CTNNA3: variants seen among roughly 807,000 people sequenced by gnomAD.
CTNNA3 encodes catenin alpha 3, also known as catenin alpha-3.
Under a neutral mutation model 95.7 loss-of-function variants are expected in CTNNA3, and 76 were observed. That is an observed-to-expected ratio of 0.79 (90% CI 0.66 to 0.96). CTNNA3 has a LOEUF of 0.96. Ranked by LOEUF, CTNNA3 falls within the 40% of genes least tolerant of loss-of-function variation. The pLI is 0.00. For missense variants in CTNNA3, 1,191 were observed against 1,089.8 expected, an observed-to-expected ratio of 1.09 and a Z score of -1.31; for synonymous variants, 431 against 374.4, an observed-to-expected ratio of 1.15 and a Z score of -1.74.
chr10:66,958,161 T>C (rs558883996), intron 7 of CTNNA3, among the ~76,000 whole-genome samples: 5 of 152,242 alleles, frequency 3.3e-5, no homozygotes, highest in Admixed American at 1.3e-4. Flanking sequence ...ATCTCTAGTA[T>C]CATTTGTGAA....
At chr10:66,745,723 G>C (rs1331765144) in intron 9 of CTNNA3, among the ~76,000 whole-genome samples, 1 of 150,056 alleles carries the variant, frequency 6.7e-6, no homozygotes, top group Non-Finnish European at 1.5e-5. Context: ...CTGAGTAGCT[G>C]GGACTACAGG....
intron 7 of CTNNA3, among the ~76,000 whole-genome samples, chr10:66,797,689 T>C (rs996426846): frequency 5.9e-5 from 9 of 152,066 alleles, no homozygotes; most frequent in Non-Finnish European, 1.2e-4. Flanking sequence ...AAAACCGAGG[T>C]TGGAGCTTGC....
At chr10:66,314,854 T>TA (rs1004330475) in intron 12 of CTNNA3, among the ~76,000 whole-genome samples, 4 of 152,058 alleles carry the variant, frequency 2.6e-5, no homozygotes, top group African/African-American at 9.7e-5. Flanking sequence ...AATCCAGTTT[T>TA]AAAAAAATCA....
chr10:67,129,539 A>G (rs1296819050), intron 7 of CTNNA3, among the ~76,000 whole-genome samples: 1 of 152,180 alleles, frequency 6.6e-6, no homozygotes, highest in East Asian at 1.9e-4. Context: ...CCACGTCTAC[A>G]TAAGAAGCTT....
chr10:66,115,555 T>C (rs139753038), intron 13 of CTNNA3, among the ~76,000 whole-genome samples: 108 of 146,560 alleles, frequency 7.4e-4, no homozygotes, highest in South Asian at 3.1e-3. Flanking sequence ...GATAGATAGA[T>C]AGATAGATAG....
intron 7 of CTNNA3, among the ~76,000 whole-genome samples, chr10:66,884,479 C>G (rs941088048): frequency 6.6e-6 from 1 of 152,046 alleles, no homozygotes; most frequent in Admixed American, 6.6e-5. Context: ...TTTCACAAAC[C>G]CCATGGGGAG....
rs1263441648 is a variant in CTNNA3, at chr10:67,219,831, C to A, written c.619G>T (p.Ala207Ser). The A allele has an allele frequency of 2.5e-6, 4 of 1,612,782 alleles. No individual in the cohort carries two copies. Among genetic ancestry groups the A allele is most frequent in the Non-Finnish European group, 3.4e-6 (4 of 1,179,208 alleles). ...GAGTTCTCCTTCAGTGAAGCTCGGG[C>A]TCCTGCAATTTCATCTCTCTGATTT... ...SPNQRDEIAGARASLKENSPL... is the reference protein window; with the variant it reads ...SPNQRDEIAGSRASLKENSPL... Residue 207 changes from alanine (A) to serine (S), a missense_variant, in exon 6 of 18, where the codon GCC (alanine) becomes TCC (serine). Ala to Ser is a moderately conservative substitution (Grantham distance 99). Coordinates refer to ENST00000433211, the MANE Select transcript of CTNNA3 (RefSeq NM_013266.4).
intron 15 of CTNNA3, among the ~76,000 whole-genome samples, chr10:66,038,576 T>C (rs1364595096): frequency 6.6e-6 from 1 of 152,134 alleles, no homozygotes; most frequent in African/African-American, 2.4e-5. Flanking sequence ...TTATGGAAAA[T>C]AGGACCTGCT....
chr10:67,728,126 A>G (rs895658887), intron 1 of CTNNA3, among the ~76,000 whole-genome samples: 1 of 144,376 alleles, frequency 6.9e-6, no homozygotes, highest in Non-Finnish European at 1.5e-5. Flanking sequence ...TGTATATATA[A>G]CACATATATG....
chr10:67,562,984 A>G (rs1048805791), intron 3 of CTNNA3, among the ~76,000 whole-genome samples: 5 of 152,112 alleles, frequency 3.3e-5, no homozygotes, highest in African/African-American at 9.7e-5. Flanking sequence ...TCAATGAAAT[A>G]AAAGAGGATA....
intron 5 of CTNNA3, among the ~76,000 whole-genome samples, chr10:67,428,602 C>A (rs1399794635): frequency 6.6e-6 from 1 of 152,014 alleles, no homozygotes; most frequent in Non-Finnish European, 1.5e-5. Context: ...ATGGTTAACA[C>A]TGAGTGTCAA....
intron 9 of CTNNA3, among the ~76,000 whole-genome samples, chr10:66,666,416 C>T (rs1171331829): frequency 6.6e-6 from 1 of 152,110 alleles, no homozygotes; most frequent in Non-Finnish European, 1.5e-5. Flanking sequence ...TCTTTGGATA[C>T]TTTGGATTAA....
chr10:67,274,315 C>T (rs1839098760), intron 5 of CTNNA3, among the ~76,000 whole-genome samples: 1 of 151,840 alleles, frequency 6.6e-6, no homozygotes, highest in Non-Finnish European at 1.5e-5. Context: ...TTATACCAGA[C>T]CAAAAAAGAT....
chr10:65,929,113 A>G (rs2077211122), intron 17 of CTNNA3, among the ~76,000 whole-genome samples: 1 of 147,872 alleles, frequency 6.8e-6, no homozygotes, highest in Non-Finnish European at 1.5e-5. Context: ...CCTATGAGTG[A>G]GAACATGTGG....
chr10:67,400,331 T>A (rs1326663564), intron 5 of CTNNA3, among the ~76,000 whole-genome samples: 1 of 152,314 alleles, frequency 6.6e-6, no homozygotes, highest in East Asian at 1.9e-4. Flanking sequence ...TTCTCCAATA[T>A]TTTGAATAGA....
intron 5 of CTNNA3, among the ~76,000 whole-genome samples, chr10:67,438,235 G>T (rs1846372931): frequency 6.6e-6 from 1 of 152,096 alleles, no homozygotes; most frequent in African/African-American, 2.4e-5. Flanking sequence ...AAAATTGTAT[G>T]TCAACATACA....
chr10:66,471,874 A>T (rs1204649123), intron 11 of CTNNA3, among the ~76,000 whole-genome samples: 1 of 151,968 alleles, frequency 6.6e-6, no homozygotes, highest in African/African-American at 2.4e-5. Context: ...ACCCCCCAAA[A>T]CTTACAAATA....
chr10:66,533,426 G>A (rs974962978), intron 10 of CTNNA3, among the ~76,000 whole-genome samples: 9 of 151,934 alleles, frequency 5.9e-5, no homozygotes, highest in African/African-American at 1.9e-4. Context: ...GATTGTCGTG[G>A]GTATTTATCT....
In CTNNA3 at chr10:67,297,646, G is replaced by A. The variant is rs116550952; in HGVS notation, c.580-77776C>T. 2.5e-3 allele frequency among the ~76,000 whole-genome samples: 377 copies of A among 152,332 alleles called. 2 individuals are homozygous for A. Among genetic ancestry groups the A allele is most frequent in the African/African-American group, 8.6e-3 (356 of 41,592 alleles). ...GAGAAATAGTAGAATCAAGTACCAT[G>A]GGAGTGTAAATCACCTGCTTGTGCA... On this transcript the variant is annotated intron_variant, in intron 5 of 17. Transcript: ENST00000433211.
Sources: gnomAD v4.1 joint callset for allele counts (sites outside exome capture counted in the v4.1 genomes callset) on GRCh38, gnomAD v4.1.1 for gene constraint, MANE v1.5 for transcripts, NCBI Gene and HGNC (gene_info 2026-07-23, HGNC 2026-07-21) for gene names.